CELF2: variants seen among roughly 807,000 people sequenced by gnomAD.
CELF2 encodes the protein CUGBP Elav-like family member 2.
Under a neutral mutation model 62.6 loss-of-function variants are expected in CELF2, and 8 were observed. The observed-to-expected ratio is 0.13, with a 90% CI of 0.07 to 0.23. The LOEUF is 0.23. Ranked by LOEUF, CELF2 falls within the 10% of genes least tolerant of loss-of-function variation. The probability of loss-of-function intolerance (pLI) is 1.00; values close to 1 mark genes in which losing one functional copy is unlikely to be tolerated. For missense variants in CELF2, 333 were observed against 671.0 expected, an observed-to-expected ratio of 0.50 and a Z score of 5.56; for synonymous variants, 258 against 250.0, an observed-to-expected ratio of 1.03 and a Z score of -0.30.
At chr10:10,463,274 A>T in the CELF2 span, among the ~76,000 whole-genome samples, 1 of 152,210 alleles carries the variant, frequency 6.6e-6, no homozygotes, top group East Asian at 1.9e-4. Flanking sequence ...TTCTGTGTAT[A>T]CTCTGCCTGG....
chr10:10,752,854 A>T, the CELF2 span, among the ~76,000 whole-genome samples: 1 of 149,656 alleles, frequency 6.7e-6, no homozygotes, highest in Non-Finnish European at 1.5e-5. Flanking sequence ...TAAAAGTGGG[A>T]TTCTGAGTCT....
rs1319784900 is a variant in CELF2 at position 11,110,027 on chromosome 10, G to C, written c.75-55459G>C. Reference sequence around the variant, plus strand: ...TAATCCCAGCACTTTGAGAGGCTGAGGCAGGAGGATGGCTTGAGCTCGGGA... The same window carrying C: ...TAATCCCAGCACTTTGAGAGGCTGACGCAGGAGGATGGCTTGAGCTCGGGA... On this transcript the variant is annotated intron_variant, in intron 1 of 12. Coordinates refer to ENST00000633077, the MANE Select transcript of CELF2 (RefSeq NM_001326342.2). This position sits in a 1 kb window ranked among gnomAD's most constrained non-coding sequence, Gnocchi z 4.0. 6.6e-6 allele frequency among the ~76,000 whole-genome samples: 1 copy of C among 152,206 alleles called. No individual in the cohort carries two copies. The highest frequency in any genetic ancestry group is 1.9e-4 in the East Asian group (1 of 5,196).
chr10:10,933,729 A>G (rs1309082063), intron 2 of CELF2, among the ~76,000 whole-genome samples: 1 of 152,166 alleles, frequency 6.6e-6, no homozygotes, highest in Non-Finnish European at 1.5e-5. Context: ...ATTTCACTTA[A>G]CATAATGCTC....
rs1298374826 is a variant in CELF2 at position 11,285,240 on chromosome 10, C to T, written c.842-3178C>T. Reference sequence around the variant, plus strand: ...TCTTCTCTCCTTTTGTCCTCACATCCCTCAGATGCTGGGGATCACAGTGTC... The same window carrying T: ...TCTTCTCTCCTTTTGTCCTCACATCTCTCAGATGCTGGGGATCACAGTGTC... On this transcript the variant is annotated intron_variant, in intron 8 of 12. Transcript: ENST00000633077. The surrounding 1 kb of genome is among the most constrained non-coding windows in gnomAD (Gnocchi z 4.3). Among the ~76,000 whole-genome samples, 1 of 151,996 alleles carries T rather than the reference C, an allele frequency of 6.6e-6. No individual in the cohort carries two copies. Among genetic ancestry groups the T allele is most frequent in the African/African-American group, 2.4e-5 (1 of 41,344 alleles).
At chr10:10,506,658 C>T in the CELF2 span, among the ~76,000 whole-genome samples, 2 of 140,726 alleles carry the variant, frequency 1.4e-5, no homozygotes, top group Admixed American at 1.5e-4. Flanking sequence ...CACAGTTGTC[C>T]ACCTCCTGTG....
At chr10:10,508,493 A>G in the CELF2 span, among the ~76,000 whole-genome samples, 1 of 152,226 alleles carries the variant, frequency 6.6e-6, no homozygotes, top group Non-Finnish European at 1.5e-5. Context: ...GGCCCAAGCC[A>G]TCTGAAATGT....
chr10:11,058,461 G>GTTTT (rs67113152), intron 1 of CELF2, among the ~76,000 whole-genome samples: 234 of 116,734 alleles, frequency 2.0e-3, no homozygotes, highest in Middle Eastern at 5.3e-3. Context: ...TTTTTTGTTG[G>GTTTT]TTTTTTTTTT....
intron 1 of CELF2, among the ~76,000 whole-genome samples, chr10:11,083,558 G>C (rs1275993861): frequency 2.6e-5 from 4 of 152,108 alleles, no homozygotes; most frequent in African/African-American, 9.7e-5. Context: ...GTAATGTTAG[G>C]CTCCCTCTCT....
chr10:11,143,330 A>G (rs2061687932), intron 1 of CELF2, among the ~76,000 whole-genome samples: 1 of 152,224 alleles, frequency 6.6e-6, no homozygotes, highest in Non-Finnish European at 1.5e-5. Context: ...TTTGTTGGAA[A>G]TCGGCAAACC....
In CELF2 at chr10:11,308,692, A is replaced by G. The variant is rs145251577; in HGVS notation, c.977-5447A>G. On this transcript the variant is annotated intron_variant, in intron 9 of 12. Transcript: ENST00000633077. Reference sequence around the variant, plus strand: ...AATTAAAGTTGTGTAGGTATTTTGCAGATTATTTCACTGGACTTACCCTCA... The same window carrying G: ...AATTAAAGTTGTGTAGGTATTTTGCGGATTATTTCACTGGACTTACCCTCA... Among the ~76,000 whole-genome samples, 1,389 of 152,330 alleles carry G rather than the reference A, an allele frequency of 9.1e-3. 15 individuals carry two copies. The highest frequency in any genetic ancestry group is 0.031 in the African/African-American group (1,295 of 41,572).
upstream of CELF2, among the ~76,000 whole-genome samples, chr10:11,003,057 C>T (rs1204471571): frequency 1.3e-5 from 2 of 152,280 alleles, no homozygotes; most frequent in East Asian, 3.9e-4. This position sits in a 1 kb window ranked among gnomAD's most constrained non-coding sequence, Gnocchi z 4.4. Context: ...AAACTACATC[C>T]TTTCTTCCTA....
At chr10:11,264,795 A>G (rs2081687599) in intron 5 of CELF2, among the ~76,000 whole-genome samples, 1 of 152,216 alleles carries the variant, frequency 6.6e-6, no homozygotes, top group South Asian at 2.1e-4. Flanking sequence ...AGTCAGTCTT[A>G]GTACAGGTAG....
At chr10:11,292,828 A>G (rs2092694403) in intron 9 of CELF2, among the ~76,000 whole-genome samples, 1 of 152,170 alleles carries the variant, frequency 6.6e-6, no homozygotes, top group African/African-American at 2.4e-5. Context: ...TGATCTTTGC[A>G]GCTGGCCCCT....
chr10:10,978,466 A>T (rs976043080), intron 2 of CELF2, among the ~76,000 whole-genome samples: 1 of 152,238 alleles, frequency 6.6e-6, no homozygotes, highest in African/African-American at 2.4e-5. Flanking sequence ...AGATGGCAAG[A>T]ACAGATATAG....
At chr10:11,134,307 G>T (rs1050208837) in intron 1 of CELF2, among the ~76,000 whole-genome samples, 1 of 152,224 alleles carries the variant, frequency 6.6e-6, no homozygotes, top group Non-Finnish European at 1.5e-5. Context: ...TACTACTTAG[G>T]TGAGTTTGGA....
At chr10:10,831,958 C>T (rs532058616) in intron 1 of CELF2, among the ~76,000 whole-genome samples, 9 of 151,386 alleles carry the variant, frequency 5.9e-5, no homozygotes, top group East Asian at 2.0e-4. Flanking sequence ...GGTGACAGAG[C>T]GAGACTCCAT....
intron 3 of CELF2, among the ~76,000 whole-genome samples, chr10:11,240,548 G>T (rs1019120916): frequency 6.6e-6 from 1 of 152,186 alleles, no homozygotes; most frequent in African/African-American, 2.4e-5. Context: ...ATTTAGCTCT[G>T]TCCTTGTTAG....
rs1397388783 is a variant in CELF2 at position 11,008,252 on chromosome 10, G to A, written c.53+2812G>A. The stretch of plus-strand genomic sequence containing the variant: ...AAATGAATAGCAAAAGATTCAAACT[G>A]GGAAAATGACTTCTTTCCACAGAAA... On this transcript the variant is annotated intron_variant, in intron 1 of 12. Transcript: ENST00000416382. The surrounding 1 kb of genome is among the most constrained non-coding windows in gnomAD (Gnocchi z 4.5). 1.3e-5 allele frequency among the ~76,000 whole-genome samples: 2 copies of A among 152,126 alleles called. No individual in the cohort carries two copies. Among genetic ancestry groups the A allele is most frequent in the Non-Finnish European group, 2.9e-5 (2 of 68,026 alleles).
At chr10:10,608,957 T>C in the CELF2 span, among the ~76,000 whole-genome samples, 2 of 152,178 alleles carry the variant, frequency 1.3e-5, no homozygotes, top group Non-Finnish European at 2.9e-5. Context: ...GGGCAGGGCA[T>C]GTGACTGTGA....
Sources: allele counts gnomAD v4.1 joint callset (sites outside exome capture counted in the v4.1 genomes callset), GRCh38; gene constraint gnomAD v4.1.1; non-coding constraint Gnocchi (gnomAD v3.1); transcripts MANE v1.5; gene names NCBI Gene and HGNC (gene_info 2026-07-23, HGNC 2026-07-21).